Variants in SLC71A1 observed in about 807,000 individuals in gnomAD.
The protein encoded by SLC71A1 is hippocampus abundant gene transcript 1.
chr1:100,077,377 T>TA, the SLC71A1 span: 1 of 654,894 alleles, frequency 1.5e-6, no homozygotes, highest in Non-Finnish European at 2.7e-6. Context: ...ATCTGTCTCA[T>TA]ACTATGCTTT....
chr1:100,076,464 C>T, the SLC71A1 span, among the ~76,000 whole-genome samples: 1 of 152,302 alleles, frequency 6.6e-6, no homozygotes, highest in Admixed American at 6.5e-5. Context: ...TTATTAACCG[C>T]TGATTATTGC....
the SLC71A1 span, among the ~76,000 whole-genome samples, chr1:100,068,924 A>G: frequency 2.0e-5 from 3 of 152,192 alleles, no homozygotes; most frequent in Non-Finnish European, 4.4e-5. Context: ...CGGAGGCTGC[A>G]GTGAGCCAAG....
chr1:100,070,457 C>T, the SLC71A1 span, among the ~76,000 whole-genome samples: 2 of 152,048 alleles, frequency 1.3e-5, no homozygotes, highest in African/African-American at 2.4e-5. Context: ...TACAGGTCCT[C>T]ATAAGACTTG....
chr1:100,054,041 CTTT>C, the SLC71A1 span, among the ~76,000 whole-genome samples: 4 of 133,312 alleles, frequency 3.0e-5, no homozygotes, highest in Non-Finnish European at 3.2e-5. Context: ...TTTTTCTTTC[CTTT>C]TTTTTTTTTT....
the SLC71A1 span, among the ~76,000 whole-genome samples, chr1:100,065,380 G>A: frequency 1.3e-5 from 2 of 152,104 alleles, no homozygotes; most frequent in Non-Finnish European, 2.9e-5. Context: ...GTCAAAAATG[G>A]CATAGAAACA....
At chr1:100,049,173 A>T in the SLC71A1 span, among the ~76,000 whole-genome samples, 1 of 152,236 alleles carries the variant, frequency 6.6e-6, no homozygotes, top group Admixed American at 6.5e-5. Context: ...GTCTTAAGAC[A>T]TCTCTGGCAG....
At chr1:100,050,914 G>A in the SLC71A1 span, among the ~76,000 whole-genome samples, 9 of 151,854 alleles carry the variant, frequency 5.9e-5, no homozygotes, top group Non-Finnish European at 1.0e-4. Flanking sequence ...GTAAAACCTT[G>A]TCTCTACAAA....
chr1:100,040,950 C>T, the SLC71A1 span, among the ~76,000 whole-genome samples: 1 of 152,168 alleles, frequency 6.6e-6, no homozygotes, highest in Non-Finnish European at 1.5e-5. Context: ...CGGTACATGA[C>T]AGTCGTGAAC....
At chr1:100,069,563 C>A in the SLC71A1 span, 1 of 1,121,874 alleles carries the variant, frequency 8.9e-7, no homozygotes, top group Non-Finnish European at 1.3e-6. Flanking sequence ...GGTTTTCTAT[C>A]TGGTATACAT....
At chr1:100,065,608 C>T in the SLC71A1 span, among the ~76,000 whole-genome samples, 1 of 146,956 alleles carries the variant, frequency 6.8e-6, no homozygotes, top group Non-Finnish European at 1.5e-5. Context: ...CCCCTTTTCC[C>T]TTTCCTTTCC....
At chr1:100,046,747 T>G in the SLC71A1 span, among the ~76,000 whole-genome samples, 1 of 152,248 alleles carries the variant, frequency 6.6e-6, no homozygotes, top group Admixed American at 6.5e-5. Flanking sequence ...TGTGTGTGTG[T>G]CCTCTTCAAT....
At chr1:100,071,911 G>A in the SLC71A1 span, among the ~76,000 whole-genome samples, 1 of 152,176 alleles carries the variant, frequency 6.6e-6, no homozygotes, top group Non-Finnish European at 1.5e-5. Flanking sequence ...AGTTGGATTT[G>A]TATTGGAAAG....
the SLC71A1 span, among the ~76,000 whole-genome samples, chr1:100,064,827 G>C: frequency 6.7e-6 from 1 of 150,228 alleles, no homozygotes; most frequent in African/African-American, 2.5e-5. Flanking sequence ...GGGCTCAAGC[G>C]ATCCTTCTGC....
the SLC71A1 span, among the ~76,000 whole-genome samples, chr1:100,056,660 A>G: frequency 0.011 from 1,747 of 152,352 alleles, 16 homozygotes; most frequent in Non-Finnish European, 0.018. Context: ...GAGTACAGCT[A>G]TCTCTTCAAT....
At chr1:100,048,380 A>G in the SLC71A1 span, among the ~76,000 whole-genome samples, 93 of 152,222 alleles carry the variant, frequency 6.1e-4, 1 homozygote, top group East Asian at 0.017. Context: ...GGGTTTTGCC[A>G]TGTTGGCAAG....
chr1:100,082,266 G>A, the SLC71A1 span: 1 of 1,295,826 alleles, frequency 7.7e-7, no homozygotes, highest in Non-Finnish European at 1.1e-6. Context: ...TTCACCTCTA[G>A]TTCTGGATGT....
At chr1:100,074,691 A>G in the SLC71A1 span, among the ~76,000 whole-genome samples, 1 of 151,902 alleles carries the variant, frequency 6.6e-6, no homozygotes, top group Admixed American at 6.5e-5. Flanking sequence ...AGCCTGGCCA[A>G]TATGGTGGAA....
the SLC71A1 span, among the ~76,000 whole-genome samples, chr1:100,046,212 GTTTTTTTTTTT>G: frequency 1.9e-3 from 104 of 54,100 alleles, no homozygotes; most frequent in Non-Finnish European, 3.1e-3. Context: ...TCCAAGCCTC[GTTTTTTTTTTT>G]TTTTTTTTTT....
chr1:100,080,669 A>T, the SLC71A1 span: 1 of 1,594,822 alleles, frequency 6.3e-7, no homozygotes, highest in Non-Finnish European at 8.6e-7. Flanking sequence ...GGTAATTCTC[A>T]TTCAACATGA....
Sources: gnomAD v4.1 joint callset for allele counts (sites outside exome capture counted in the v4.1 genomes callset) on GRCh38, gnomAD v4.1.1 for gene constraint, MANE v1.5 for transcripts, NCBI Gene and HGNC (gene_info 2026-07-23, HGNC 2026-07-21) for gene names.